SORCS1: variants seen among roughly 807,000 people sequenced by gnomAD.
The protein encoded by SORCS1 is sortilin related VPS10 domain containing receptor 1.
A neutral mutation model predicts 146.1 loss-of-function variants in SORCS1; 60 were observed. The observed-to-expected ratio is 0.41, with a 90% CI of 0.33 to 0.51. SORCS1 has a LOEUF of 0.51. SORCS1 is among the 20% of genes least tolerant of loss of function. The pLI is 0.21. For missense variants in SORCS1, 1,352 were observed against 1,487.6 expected (o/e 0.91, Z 1.50); for synonymous variants, 637 against 584.0 (o/e 1.09, Z -1.31).
intron 24 of SORCS1, among the ~76,000 whole-genome samples, chr10:106,586,409 T>A (rs182466086): frequency 5.6e-4 from 86 of 152,270 alleles, no homozygotes; most frequent in African/African-American, 2.0e-3. Context: ...CCCTTTGCTT[T>A]ACTTTTTTTT....
intron 1 of SORCS1, among the ~76,000 whole-genome samples, chr10:107,043,160 C>T (rs1054074873): frequency 2.0e-5 from 3 of 152,026 alleles, no homozygotes; most frequent in African/African-American, 7.2e-5. Flanking sequence ...CATAAGAAAA[C>T]ACTTCCAGGG....
rs921554077 is a variant in SORCS1 at position 106,579,468 on chromosome 10, A to T, written c.3272T>A (p.Leu1091Gln). The change falls in exon 25 of 26, where the codon CTG becomes CAG. Residue 1091 changes from leucine (L) to glutamine (Q), a missense_variant. Transcript: ENST00000263054. ...VHAAHLTAAP[L>Q]VDLTPTHSGS... ...ACTGTGGGTTGGAGTGAGGTCCACC[A>T]GGGGGGCTTGTGGGGGAAACAGAGC... 2 of 1,613,572 alleles carry T rather than the reference A, an allele frequency of 1.2e-6. No homozygotes were observed. The highest frequency in any genetic ancestry group is 2.7e-5 in the African/African-American group (2 of 74,826).
At position 107,105,527 on chromosome 10, in the gene SORCS1, C is replaced by T. The variant is rs60890847; in HGVS notation, c.558+58442G>A. On this transcript the variant is annotated intron_variant, in intron 1 of 25. Coordinates refer to ENST00000263054, the MANE Select transcript of SORCS1 (RefSeq NM_052918.5). ...AGCCTTCAGTCTGTGGCTGAAGGCCCGAGTGCCCCTGGCAAATCACTGGTA... is the reference window on the plus strand; with the variant it reads ...AGCCTTCAGTCTGTGGCTGAAGGCCTGAGTGCCCCTGGCAAATCACTGGTA... Among the ~76,000 whole-genome samples the T allele has an allele frequency of 6.1e-3, 930 of 152,224 alleles. 7 individuals are homozygous for T. Among genetic ancestry groups the T allele is most frequent in the African/African-American group, 0.021 (869 of 41,556 alleles).
intron 1 of SORCS1, among the ~76,000 whole-genome samples, chr10:107,092,883 G>GAAAAAAAAAAAAAAAAA (rs34184443): frequency 3.3e-5 from 2 of 61,506 alleles, no homozygotes; most frequent in Admixed American, 2.0e-4. Context: ...AGAAGACCAT[G>GAAAAAAAAAAAAAAAAA]AAAAAAAAAA....
chr10:106,866,798 G>A (rs967570947), intron 2 of SORCS1, among the ~76,000 whole-genome samples: 12 of 152,154 alleles, frequency 7.9e-5, no homozygotes, highest in African/African-American at 2.9e-4. Flanking sequence ...AAATAAAAAC[G>A]CTGCAGAAAA....
chr10:106,730,837 T>C (rs1253958004), intron 5 of SORCS1, among the ~76,000 whole-genome samples: 1 of 152,188 alleles, frequency 6.6e-6, no homozygotes, highest in Non-Finnish European at 1.5e-5. Context: ...TTTTATACAA[T>C]GAGATTAATT....
intron 1 of SORCS1, among the ~76,000 whole-genome samples, chr10:107,136,805 C>T (rs1232605977): frequency 1.3e-5 from 2 of 152,086 alleles, no homozygotes; most frequent in African/African-American, 4.8e-5. Flanking sequence ...GTTTCACATT[C>T]GTAGCTAATT....
chr10:106,874,138 A>G (rs985526384), intron 2 of SORCS1, among the ~76,000 whole-genome samples: 15 of 152,222 alleles, frequency 9.9e-5, no homozygotes, highest in African/African-American at 3.6e-4. Flanking sequence ...TTGCATAACC[A>G]CAGAAAACTC....
chr10:107,095,785 G>A (rs532700356), intron 1 of SORCS1, among the ~76,000 whole-genome samples: 132 of 151,852 alleles, frequency 8.7e-4, no homozygotes, highest in African/African-American at 3.1e-3. Context: ...AAATCATGAG[G>A]AATATTAAAA....
intron 23 of SORCS1, among the ~76,000 whole-genome samples, chr10:106,601,284 G>A (rs1314400096): frequency 1.3e-5 from 2 of 152,180 alleles, no homozygotes; most frequent in Non-Finnish European, 2.9e-5. Flanking sequence ...AAAGCGTGTT[G>A]TCTTAACAAA....
intron 1 of SORCS1, among the ~76,000 whole-genome samples, chr10:107,158,001 C>T (rs1472215641): frequency 2.6e-5 from 4 of 152,164 alleles, no homozygotes; most frequent in Non-Finnish European, 5.9e-5. Context: ...ATTTTACATA[C>T]ATTTAGTGGC....
chr10:107,018,691 C>A (rs940265457), intron 1 of SORCS1, among the ~76,000 whole-genome samples: 8 of 150,940 alleles, frequency 5.3e-5, no homozygotes, highest in East Asian at 1.9e-4. Context: ...AAAAAAAAAA[C>A]AACTTTCCTC....
chr10:106,583,053 T>A (rs1205508851), intron 24 of SORCS1, among the ~76,000 whole-genome samples: 1 of 152,210 alleles, frequency 6.6e-6, no homozygotes, highest in Non-Finnish European at 1.5e-5. Context: ...GTGACTTAAA[T>A]TAAATCTCAG....
chr10:106,623,737 C>T (rs1449827991), intron 19 of SORCS1, among the ~76,000 whole-genome samples: 2 of 152,120 alleles, frequency 1.3e-5, no homozygotes, highest in African/African-American at 4.8e-5. Context: ...ATGATCTCAG[C>T]TCACTGCAAC....
intron 1 of SORCS1, among the ~76,000 whole-genome samples, chr10:107,042,518 T>C (rs922425774): frequency 6.6e-5 from 10 of 152,180 alleles, no homozygotes; most frequent in African/African-American, 2.2e-4. Flanking sequence ...TTGTGACAGA[T>C]GGGCAATATC....
At chr10:107,091,330 G>A (rs1394037209) in intron 1 of SORCS1, among the ~76,000 whole-genome samples, 1 of 152,192 alleles carries the variant, frequency 6.6e-6, no homozygotes, top group Non-Finnish European at 1.5e-5. Flanking sequence ...CAAAGCAAAT[G>A]CTGCTGTCCT....
In SORCS1 at chr10:106,652,394, C is replaced by T. The variant is rs766157981; in HGVS notation, c.2463G>A (p.Val821=). The T allele has an allele frequency of 1.9e-6, 3 of 1,613,994 alleles. No individual in the cohort carries two copies. In the East Asian group the frequency reaches 6.7e-5, roughly 36 times the overall value. The change falls in exon 18 of 26, where the codon GTG becomes GTA. Residue 821 remains valine, a synonymous_variant. Transcript: ENST00000263054. Reference sequence around the variant, plus strand: ...GAATCAGTCCTACCTCTTCTAATTGCACCATGAGAGTGACGTTGTGTCCTT... The same window carrying T: ...GAATCAGTCCTACCTCTTCTAATTGTACCATGAGAGTGACGTTGTGTCCTT... ...AEQGHNVTLM[V]QLEEGDVQRT... is the part of the protein sequence containing the mutation.
chr10:106,910,117 C>G (rs1271957595), intron 2 of SORCS1, among the ~76,000 whole-genome samples: 1 of 152,152 alleles, frequency 6.6e-6, no homozygotes, highest in African/African-American at 2.4e-5. Context: ...TACCTCTAAA[C>G]TAATATCCGA....
chr10:106,691,984 C>T (rs1286618678), intron 9 of SORCS1, among the ~76,000 whole-genome samples: 1 of 152,122 alleles, frequency 6.6e-6, no homozygotes, highest in Non-Finnish European at 1.5e-5. Flanking sequence ...TCATTCACTC[C>T]ACCAACCTGC....
Sources: gnomAD v4.1 joint callset for allele counts (sites outside exome capture counted in the v4.1 genomes callset) on GRCh38, gnomAD v4.1.1 for gene constraint, MANE v1.5 for transcripts, NCBI Gene and HGNC (gene_info 2026-07-23, HGNC 2026-07-21) for gene names.